Variants in INPP5B observed in about 807,000 individuals in gnomAD.
INPP5B encodes type II inositol 1,4,5-trisphosphate 5-phosphatase.
INPP5B carries 90 observed loss-of-function variants against 118.5 expected under a neutral mutation model. The observed-to-expected ratio is 0.76, with a 90% CI of 0.64 to 0.90. The LOEUF (loss-of-function observed/expected upper bound fraction) is 0.90. Among genes scored for constraint, INPP5B ranks in the 40% least tolerant of loss-of-function variants. INPP5B has a pLI of 0.00. For missense variants in INPP5B, 984 were observed against 1,125.6 expected (o/e 0.87, Z 1.80); for synonymous variants, 385 against 418.9 (o/e 0.92, Z 0.99).
rs751902255 is a variant in INPP5B, at chr1:37,880,214, A to G, written c.1432-20T>C. ...TTTCAGCTATACAAAAGGATGGGAG[A>G]AAAAAAAATATCAGAATAAAAAGGT... On this transcript the variant is annotated intron_variant, in intron 14 of 23. Transcript: ENST00000373024. The G allele has an allele frequency of 6.5e-7, 1 of 1,530,770 alleles. No individual in the cohort carries two copies. The highest frequency in any genetic ancestry group is 1.2e-5 in the South Asian group (1 of 85,878). The allele number at this position is 1,530,770 out of a possible 1,614,324, so 94.8% of individuals were successfully genotyped here.
At chr1:37,901,017 G>A (rs2148565271) in intron 7 of INPP5B, among the ~76,000 whole-genome samples, 1 of 152,132 alleles carries the variant, frequency 6.6e-6, no homozygotes, top group East Asian at 1.9e-4. Context: ...TCACAATGTT[G>A]GTCAGGCTGG....
chr1:37,862,395 C>A lies in INPP5B; in HGVS notation c.2662G>T (p.Ala888Ser). 1 of 1,613,898 alleles carries A rather than the reference C, an allele frequency of 6.2e-7. No homozygotes were observed. ...GTCATATCAAGCTTTTGGTGACCAG[C>A]TGGGTTTCGAAGCAATAAGCTGCCA... ...IFGSLLLRNPAGHQKLDMTEK... is the reference protein window; with the variant it reads ...IFGSLLLRNPSGHQKLDMTEK... The change falls in exon 24 of 24, where the codon GCT becomes TCT. Residue 888 changes from alanine (A) to serine (S), a missense_variant. Physicochemically the swap from Ala to Ser is moderately conservative, Grantham distance 99. This residue lies in a region of INPP5B where 634 missense variants were observed against 791.0 expected (regional missense o/e 0.80). Transcript: ENST00000373024.
chr1:37,931,768 C>T, intron 7 of INPP5B, 145 bp downstream of exon 7: 1 of 1,604,632 alleles, frequency 6.2e-7, no homozygotes, highest in Non-Finnish European at 8.5e-7. Context: ...CGCGCTCCGC[C>T]CCCAGACGAA....
chr1:37,874,128 G>A lies in INPP5B; in HGVS notation c.1816C>T (p.Gln606Ter). 6.3e-7 allele frequency: 1 copy of A among 1,585,744 alleles called. No individual in the cohort carries two copies. Among genetic ancestry groups the A allele is most frequent in the Non-Finnish European group, 8.6e-7 (1 of 1,159,250 alleles). ...ATTGTAAAGGATTCTACTTTCAATT[G>A]CATGTACTTCACATTCTGAAAACAG... ...EFCFQNVKYM[Q>*]LKVESFTIHN... is the part of the protein sequence containing the mutation. The change falls in exon 18 of 24, where the codon CAA becomes TAA. Residue 606 changes from glutamine (Q) to a stop codon, truncating the protein, a stop_gained. Coordinates refer to ENST00000373024, the MANE Select transcript of INPP5B (RefSeq NM_005540.3). LOFTEE classifies it high-confidence loss of function.
At chr1:37,937,281 A>T (rs1021718728) in intron 6 of INPP5B, among the ~76,000 whole-genome samples, 4 of 152,268 alleles carry the variant, frequency 2.6e-5, no homozygotes, top group East Asian at 1.9e-4. Context: ...ACTGCACTCC[A>T]GCCTGGGCAA....
intron 19 of INPP5B, among the ~76,000 whole-genome samples, chr1:37,869,130 T>A (rs1642237861): frequency 1.3e-5 from 2 of 151,784 alleles, no homozygotes; most frequent in African/African-American, 4.8e-5. Flanking sequence ...GTAGCTGGGA[T>A]TACAGGCGTG....
At chr1:37,874,213 G>A in intron 17 of INPP5B, 58 bp from the exon 18 acceptor site, 1 of 1,366,250 alleles carries the variant, frequency 7.3e-7, no homozygotes, top group Non-Finnish European at 9.9e-7. Flanking sequence ...AACCTGCCCA[G>A]CCACCCCAAC....
intron 12 of INPP5B, 48 bp downstream of exon 12, chr1:37,886,840 C>T (rs748882380): frequency 7.2e-7 from 1 of 1,379,546 alleles, no homozygotes; most frequent in African/African-American, 1.4e-5. Flanking sequence ...GTCAATACCT[C>T]AGGAGCTAAG....
chr1:37,931,260 T>C, intron 7 of INPP5B: 1 of 408,710 alleles, frequency 2.4e-6, no homozygotes, highest in South Asian at 2.1e-5. Context: ...ACACATACCA[T>C]ACCTCACCCA....
chr1:37,926,160 T>C (rs1293823954), intron 7 of INPP5B, among the ~76,000 whole-genome samples: 1 of 152,242 alleles, frequency 6.6e-6, no homozygotes, highest in African/African-American at 2.4e-5. Flanking sequence ...TTACCCTTTA[T>C]GTTACCCTGA....
At chr1:37,871,789 T>C (rs1642456389) in intron 19 of INPP5B, among the ~76,000 whole-genome samples, 1 of 150,840 alleles carries the variant, frequency 6.6e-6, no homozygotes, top group Non-Finnish European at 1.5e-5. Context: ...CTCAGCTACT[T>C]GGGAGGCTGA....
intron 7 of INPP5B, among the ~76,000 whole-genome samples, chr1:37,895,149 T>TA (rs1036928638): frequency 3.3e-5 from 5 of 151,926 alleles, no homozygotes; most frequent in Non-Finnish European, 5.9e-5. Context: ...GACTGAAATT[T>TA]AAAAAAAAGA....
At position 37,864,456 on chromosome 1, in the gene INPP5B, T is replaced by G. The variant is rs775724608; in HGVS notation, c.2515-33A>C. The G allele has an allele frequency of 8.6e-6, 11 of 1,277,334 alleles. No homozygotes were observed. In the South Asian group the frequency reaches 1.2e-4, roughly 14 times the overall value. The allele number at this position is 1,277,334 out of a possible 1,614,324, so 79.1% of individuals were successfully genotyped here. Reference sequence around the variant, plus strand: ...AGGAAGAACCGGGATTTGTCTTTTGTTCACTGAATCATTTCTCAAGTGCCT... The same window carrying G: ...AGGAAGAACCGGGATTTGTCTTTTGGTCACTGAATCATTTCTCAAGTGCCT... On this transcript the variant is annotated intron_variant, in intron 22 of 23. Transcript: ENST00000373024.
chr1:37,945,865 C>A lies in INPP5B; in HGVS notation c.58-15G>T, dbSNP rs1327205257. On this transcript the variant is annotated splice_polypyrimidine_tract_variant and intron_variant, in intron 2 of 23. Coordinates refer to ENST00000373024, the MANE Select transcript of INPP5B (RefSeq NM_005540.3). ...CCTTGCACCGCCTGCGGCTCAGAGT[C>A]AAGGGAAGACAACCCAGAGGCGAGG... 6.2e-7 allele frequency: 1 copy of A among 1,612,864 alleles called. No homozygotes were observed. The highest frequency in any genetic ancestry group is 1.1e-5 in the South Asian group (1 of 91,034).
intron 23 of INPP5B, among the ~76,000 whole-genome samples, chr1:37,863,428 T>C (rs1008085181): frequency 4.6e-5 from 7 of 151,986 alleles, no homozygotes; most frequent in Non-Finnish European, 7.4e-5. Flanking sequence ...GGCAGGAGAA[T>C]TGCTTGAACC....
At chr1:37,922,780 T>C (rs2148638550) in intron 7 of INPP5B, among the ~76,000 whole-genome samples, 1 of 152,358 alleles carries the variant, frequency 6.6e-6, no homozygotes, top group South Asian at 2.1e-4. Context: ...CTGTAAGTTC[T>C]AGACTGGAAA....
In INPP5B at chr1:37,914,831, A is replaced by G. The variant is rs1360505227; in HGVS notation, c.532+17082T>C. Among the ~76,000 whole-genome samples the G allele has an allele frequency of 6.6e-5, 10 of 152,152 alleles. No individual in the cohort carries two copies. The East Asian group carries it at 1.7e-3, about 26-fold the overall frequency. On this transcript the variant is annotated intron_variant, in intron 7 of 23. Transcript: ENST00000373024. ...ACTAGCTTCTTGGAAGCAGGGACCA[A>G]TGTGCTATCTCTGGCCCCAGCTCAC...
intron 6 of INPP5B, among the ~76,000 whole-genome samples, chr1:37,936,050 A>G (rs558265293): frequency 2.0e-5 from 3 of 152,262 alleles, no homozygotes; most frequent in Admixed American, 2.0e-4. Flanking sequence ...TGGGCGACAG[A>G]GTGAGACTCC....
At chr1:37,865,538 G>A (rs537589796) in intron 22 of INPP5B, among the ~76,000 whole-genome samples, 2 of 152,302 alleles carry the variant, frequency 1.3e-5, no homozygotes, top group South Asian at 2.1e-4. Context: ...GGGAGGCAAG[G>A]AGAGGGTGGA....
Sources: gnomAD v4.1 joint callset for allele counts (sites outside exome capture counted in the v4.1 genomes callset) on GRCh38, gnomAD v4.1.1 for gene constraint, gnomAD v4.1.1 regional missense constraint, MANE v1.5 for transcripts, NCBI Gene and HGNC (gene_info 2026-07-23, HGNC 2026-07-21) for gene names.